The following MYO10 variants were observed in gnomAD, a reference collection of about 807,000 sequenced individuals.
The protein encoded by MYO10 is unconventional myosin-X.
In MYO10, 133 loss-of-function variants were observed where a neutral mutation model predicts 257.3. The ratio of observed to expected loss-of-function variants is 0.52; its 90% CI spans 0.45 to 0.60. The LOEUF (loss-of-function observed/expected upper bound fraction) is 0.60, where lower values mean the gene tolerates loss of function less well. Ranked by LOEUF, MYO10 falls within the 20% of genes least tolerant of loss-of-function variation. The probability of loss-of-function intolerance (pLI) is 0.00; values close to 1 mark genes in which losing one functional copy is unlikely to be tolerated. For missense variants in MYO10, 2,399 were observed against 2,635.7 expected (o/e 0.91, Z 1.97); for synonymous variants, 1,104 against 1,028.6 (o/e 1.07, Z -1.40).
intron 4 of MYO10, among the ~76,000 whole-genome samples, chr5:16,784,814 A>G (rs981820554): frequency 1.3e-5 from 2 of 152,204 alleles, no homozygotes; most frequent in African/African-American, 2.4e-5. Flanking sequence ...AAAAGAGAAG[A>G]AATGACTCAG....
Position 16,673,846 on chromosome 5 carries a change from G to C in MYO10, c.5008C>G (p.Leu1670Val), listed in dbSNP as rs547603553. The change falls in exon 36 of 41, where the codon CTC (leucine) becomes GTC (valine). Residue 1670 changes from leucine (L) to valine (V), a missense_variant. Physicochemically the swap from Leu to Val is conservative, Grantham distance 32. Around this residue, in one of 3 missense-constraint regions of MYO10, gnomAD observed 1,820 missense variants for 1,939.4 expected, o/e 0.94. Coordinates refer to ENST00000513610, the MANE Select transcript of MYO10 (RefSeq NM_012334.3). Reference protein sequence around the residue: ...FPGSEMEKYALFTYESLKKTK... With the variant: ...FPGSEMEKYAVFTYESLKKTK... ...TTCTTAAGAGATTCGTAAGTGAAGA[G>C]AGCGTATTTTTCCATCTCGCTTCCT... The C allele has an allele frequency of 3.7e-6, 6 of 1,613,970 alleles. No homozygotes were observed. Among genetic ancestry groups the C allele is most frequent in the East Asian group, 4.5e-5 (2 of 44,870 alleles).
chr5:16,747,671 C>A (rs552649927), intron 19 of MYO10, among the ~76,000 whole-genome samples: 1 of 152,156 alleles, frequency 6.6e-6, no homozygotes, highest in Non-Finnish European at 1.5e-5. Flanking sequence ...GTAATCCCAG[C>A]ACTTCGGGAG....
chr5:16,796,483 G>GAAAGAAAGAGA (rs1741976128), intron 3 of MYO10, among the ~76,000 whole-genome samples: 10 of 136,862 alleles, frequency 7.3e-5, no homozygotes, highest in African/African-American at 1.1e-4. Flanking sequence ...GAAAAGAAAA[G>GAAAGAAAGAGA]AAAGAAAGAA....
intron 30 of MYO10, among the ~76,000 whole-genome samples, chr5:16,683,491 T>G (rs933924518): frequency 6.6e-6 from 1 of 152,238 alleles, no homozygotes; most frequent in African/African-American, 2.4e-5. Flanking sequence ...ATCAAAATCC[T>G]TTTCAAGTTT....
At chr5:16,671,991 G>C (rs1736487624) in intron 37 of MYO10, among the ~76,000 whole-genome samples, 1 of 152,182 alleles carries the variant, frequency 6.6e-6, no homozygotes, top group Non-Finnish European at 1.5e-5. Context: ...TGAAGTCACA[G>C]ATCAAATAGC....
At chr5:16,765,984 C>T (rs2561232) in intron 11 of MYO10, 96 bp downstream of exon 11, 802,151 of 837,066 alleles carry the variant, frequency 0.96, 386,060 homozygotes, top group African/African-American at 0.99. Flanking sequence ...ATTACAGTTA[C>T]AACTGTTATT....
Position 16,701,728 on chromosome 5 carries a change from C to T in MYO10, c.2667G>A (p.Glu889=). 7 of 1,614,028 alleles carry T rather than the reference C, an allele frequency of 4.3e-6. No homozygotes were observed. The highest frequency in any genetic ancestry group is 5.9e-6 in the Non-Finnish European group (7 of 1,179,900). ...EKQKENKQVE[E]ILRLEKEIED... is the part of the protein sequence containing the mutation. ...CGATTTCTTTCTCCAGACGGAGGATCTCTTCCACCTGCTTATTTTCCTTCT... is the reference window on the plus strand; with the variant it reads ...CGATTTCTTTCTCCAGACGGAGGATTTCTTCCACCTGCTTATTTTCCTTCT... Residue 889 remains glutamate, a synonymous_variant, in exon 25 of 41, where the codon GAG becomes GAA. Transcript: ENST00000513610. The surrounding 1 kb of genome is among the most constrained non-coding windows in gnomAD (Gnocchi z 8.1).
intron 1 of MYO10, among the ~76,000 whole-genome samples, chr5:16,887,698 C>G (rs146965958): frequency 1.3e-5 from 2 of 152,038 alleles, no homozygotes; most frequent in African/African-American, 4.8e-5. Context: ...ACCATGTTGG[C>G]CAGGCTGGTA....
At chr5:16,793,348 G>T (rs1741827369) in intron 4 of MYO10, among the ~76,000 whole-genome samples, 1 of 152,058 alleles carries the variant, frequency 6.6e-6, no homozygotes, top group African/African-American at 2.4e-5. Context: ...TTATTGAGAA[G>T]GAGTCTCACT....
chr5:16,731,550 T>C (rs762391568), intron 19 of MYO10, among the ~76,000 whole-genome samples: 6 of 151,888 alleles, frequency 4.0e-5, no homozygotes, highest in Non-Finnish European at 7.4e-5. Context: ...GGTTTCACCA[T>C]GTTGGCCAGG....
rs1441503079 is a variant in MYO10 at position 16,769,153 on chromosome 5, C to T, written c.981G>A (p.Ser327=). The change falls in exon 10 of 41, where the codon TCG becomes TCA. Residue 327 remains serine (S), a synonymous_variant. Transcript: ENST00000513610. ...QFSKEEVREV[S]RLLAGILHLG... ...GATGCAGTATACCAGCAAGCAGCCT[C>T]GACACTTCCCGAACTTCCTCCTTGC... is the stretch of plus-strand genomic sequence containing the variant. 2.2e-5 allele frequency: 36 copies of T among 1,612,486 alleles called. No individual in the cohort carries two copies. Among genetic ancestry groups the T allele is most frequent in the Non-Finnish European group, 2.9e-5 (34 of 1,179,416 alleles).
intron 19 of MYO10, among the ~76,000 whole-genome samples, 195 bp downstream of exon 19, chr5:16,754,633 A>C (rs1254465078): frequency 6.6e-6 from 1 of 152,170 alleles, no homozygotes; most frequent in Non-Finnish European, 1.5e-5. Context: ...GCTTAATAAC[A>C]TCACTCAAAA....
At chr5:16,675,970 G>C (rs1736702840) in intron 34 of MYO10, 61 bp downstream of exon 34, 1 of 1,533,854 alleles carries the variant, frequency 6.5e-7, no homozygotes, top group Non-Finnish European at 8.8e-7. Flanking sequence ...TTAAGCTAAA[G>C]AGTTAGCAGG....
chr5:16,868,536 G>A (rs755159637), intron 2 of MYO10, among the ~76,000 whole-genome samples: 1 of 152,192 alleles, frequency 6.6e-6, no homozygotes, highest in African/African-American at 2.4e-5. Context: ...CCCGGGAGGC[G>A]GAGGTTTGCA....
intron 1 of MYO10, among the ~76,000 whole-genome samples, chr5:16,925,094 G>C (rs1746096488): frequency 6.6e-6 from 1 of 152,076 alleles, no homozygotes; most frequent in Non-Finnish European, 1.5e-5. Context: ...GCCTCCCAAA[G>C]TGCTGGGATT....
At chr5:16,843,073 C>A (rs954466056) in intron 2 of MYO10, among the ~76,000 whole-genome samples, 6 of 152,032 alleles carry the variant, frequency 3.9e-5, no homozygotes, top group African/African-American at 1.4e-4. Flanking sequence ...TGCTTCATTC[C>A]TCCTGTTCCC....
intron 2 of MYO10, among the ~76,000 whole-genome samples, chr5:16,867,147 C>CTCTCAGATA (rs1744275476): frequency 6.6e-6 from 1 of 152,228 alleles, no homozygotes; most frequent in Non-Finnish European, 1.5e-5. Flanking sequence ...CCTTCCTGGG[C>CTCTCAGATA]TCTCAGATAA....
At chr5:16,710,517 G>A (rs1738550187) in intron 21 of MYO10, among the ~76,000 whole-genome samples, 1 of 152,142 alleles carries the variant, frequency 6.6e-6, no homozygotes, top group Non-Finnish European at 1.5e-5. Flanking sequence ...TGGTTGCAGG[G>A]ATAAAAGCCA....
chr5:16,720,364 C>T (rs1455684940), intron 19 of MYO10, among the ~76,000 whole-genome samples: 1 of 152,190 alleles, frequency 6.6e-6, no homozygotes, highest in African/African-American at 2.4e-5. Flanking sequence ...CATTGCTAGA[C>T]TATTTCTCAA....
Sources: gnomAD v4.1 joint callset for allele counts (sites outside exome capture counted in the v4.1 genomes callset) on GRCh38, gnomAD v4.1.1 for gene constraint, gnomAD v4.1.1 regional missense constraint, Gnocchi (gnomAD v3.1) non-coding constraint, MANE v1.5 for transcripts, NCBI Gene and HGNC (gene_info 2026-07-23, HGNC 2026-07-21) for gene names.